The following LARP1B variants were observed in gnomAD, a reference collection of about 807,000 sequenced individuals.
The protein encoded by LARP1B is la-related protein 1B.
In LARP1B, 76 loss-of-function variants were observed where a neutral mutation model predicts 114.2. That is an observed-to-expected ratio of 0.67 (90% CI 0.55 to 0.81). The LOEUF is 0.81. Among genes scored for constraint, LARP1B ranks in the 30% least tolerant of loss-of-function variants. LARP1B has a pLI of 0.00. For missense variants in LARP1B, 1,014 were observed against 1,075.8 expected (o/e 0.94, Z 0.80); for synonymous variants, 345 against 348.0 (o/e 0.99, Z 0.10).
At chr4:128,199,696 C>A in intron 16 of LARP1B, 97 bp downstream of exon 16, 1 of 537,570 alleles carries the variant, frequency 1.9e-6, no homozygotes, top group Non-Finnish European at 2.9e-6. Flanking sequence ...TTAAGATATT[C>A]TTTTATTGTT....
At chr4:128,199,913 C>T (rs556573261) in intron 16 of LARP1B, among the ~76,000 whole-genome samples, 1 of 152,118 alleles carries the variant, frequency 6.6e-6, no homozygotes, top group African/African-American at 2.4e-5. Context: ...TAGTGAAACT[C>T]CATCTGTACT....
At chr4:128,090,274 T>A (rs1294126842) in intron 5 of LARP1B, among the ~76,000 whole-genome samples, 1 of 152,190 alleles carries the variant, frequency 6.6e-6, no homozygotes, top group Non-Finnish European at 1.5e-5. Flanking sequence ...TATTTCAGTA[T>A]GTCAGCCAGG....
intron 9 of LARP1B, chr4:128,107,670 A>C (rs568785515): frequency 6.3e-6 from 9 of 1,430,120 alleles, no homozygotes; most frequent in Non-Finnish European, 8.2e-6. Flanking sequence ...TCTTATACTC[A>C]AGAGTGGGGT....
chr4:128,166,630 G>A (rs940928831), intron 12 of LARP1B, among the ~76,000 whole-genome samples: 5 of 151,582 alleles, frequency 3.3e-5, no homozygotes, highest in Non-Finnish European at 7.4e-5. Flanking sequence ...ATAATATAAT[G>A]TTATTAGCTA....
intron 5 of LARP1B, among the ~76,000 whole-genome samples, chr4:128,083,107 A>G (rs1314354428): frequency 1.3e-5 from 2 of 152,220 alleles, no homozygotes; most frequent in Non-Finnish European, 2.9e-5. Context: ...GACACAGCAC[A>G]TGTTTCAGAG....
chr4:128,212,713 C>G (rs1759152409), downstream of LARP1B, among the ~76,000 whole-genome samples: 1 of 152,006 alleles, frequency 6.6e-6, no homozygotes, highest in African/African-American at 2.4e-5. Flanking sequence ...ACAGATAAAT[C>G]TTTGTGTATA....
chr4:128,174,016 A>G (rs1744906912), intron 12 of LARP1B, among the ~76,000 whole-genome samples: 1 of 152,222 alleles, frequency 6.6e-6, no homozygotes, highest in Admixed American at 6.5e-5. Flanking sequence ...ATTATATGAT[A>G]CATAGTTATA....
chr4:128,073,014 A>G (rs188037598), intron 1 of LARP1B, among the ~76,000 whole-genome samples: 1 of 152,328 alleles, frequency 6.6e-6, no homozygotes, highest in Non-Finnish European at 1.5e-5. Context: ...TGAACATCCT[A>G]TATGGACATC....
chr4:128,107,572 CTA>C (rs1782542085), intron 9 of LARP1B: 1 of 1,371,266 alleles, frequency 7.3e-7, no homozygotes, highest in Admixed American at 3.2e-5. Context: ...TATGGAGTTT[CTA>C]TCTTTTATTT....
chr4:128,076,356 C>G (rs1767866318), intron 3 of LARP1B, among the ~76,000 whole-genome samples: 1 of 152,100 alleles, frequency 6.6e-6, no homozygotes, highest in Admixed American at 6.6e-5. Context: ...TTTGCATTTT[C>G]TAGAATTTTA....
chr4:128,078,407 G>C (rs1407684072), intron 4 of LARP1B, among the ~76,000 whole-genome samples: 2 of 152,068 alleles, frequency 1.3e-5, no homozygotes, highest in African/African-American at 4.8e-5. Context: ...CTTGAGGTCA[G>C]GAGACATGGT....
chr4:128,108,844 G>A, intron 9 of LARP1B: 3 of 980,766 alleles, frequency 3.1e-6, no homozygotes, highest in Non-Finnish European at 3.6e-6. Flanking sequence ...CAGTCAAGTT[G>A]GTAATGCCTG....
At chr4:128,202,137 T>C (rs1756158613) in intron 17 of LARP1B, among the ~76,000 whole-genome samples, 1 of 152,228 alleles carries the variant, frequency 6.6e-6, no homozygotes. Flanking sequence ...CTGATATCTC[T>C]AATCAATCCC....
At chr4:128,149,689 CCT>C (rs1731839705) in intron 11 of LARP1B, among the ~76,000 whole-genome samples, 1 of 151,996 alleles carries the variant, frequency 6.6e-6, no homozygotes, top group African/African-American at 2.4e-5. Context: ...TGTCTTTTGC[CCT>C]CTCTCTAAAT....
intron 1 of LARP1B, among the ~76,000 whole-genome samples, chr4:128,064,706 C>G (rs900489740): frequency 6.6e-6 from 1 of 152,096 alleles, no homozygotes; most frequent in Non-Finnish European, 1.5e-5. Flanking sequence ...AGTAGGAACT[C>G]TTTGTTGATC....
At chr4:128,156,138 G>A in intron 11 of LARP1B, 1 of 1,611,180 alleles carries the variant, frequency 6.2e-7, no homozygotes, top group Non-Finnish European at 8.5e-7. Context: ...CTCATCACAA[G>A]AGTAGCAGCA....
intron 5 of LARP1B, among the ~76,000 whole-genome samples, chr4:128,086,150 C>T (rs1773459303): frequency 6.6e-6 from 1 of 151,428 alleles, no homozygotes; most frequent in Non-Finnish European, 1.5e-5. Context: ...ACTACAAGCA[C>T]CTGCCAGCAC....
At chr4:128,180,808 A>G (rs985948905) in intron 15 of LARP1B, among the ~76,000 whole-genome samples, 3 of 152,210 alleles carry the variant, frequency 2.0e-5, no homozygotes, top group Non-Finnish European at 4.4e-5. Context: ...ATAAGAATAT[A>G]TTTAGTTTTG....
chr4:128,082,015 C>A, intron 4 of LARP1B, 150 bp from the exon 5 acceptor site: 1 of 751,336 alleles, frequency 1.3e-6, no homozygotes. Flanking sequence ...GGATTACAGG[C>A]ATGAGCCACC....
Sources: allele counts gnomAD v4.1 joint callset (sites outside exome capture counted in the v4.1 genomes callset), GRCh38; gene constraint gnomAD v4.1.1; transcripts MANE v1.5; gene names NCBI Gene and HGNC (gene_info 2026-07-23, HGNC 2026-07-21).